The following FBP2 variants were observed in gnomAD, a reference collection of about 807,000 sequenced individuals.
FBP2 encodes fructose-1,6-bisphosphatase isozyme 2.
In FBP2, 27 loss-of-function variants were observed where a neutral mutation model predicts 31.6. The observed-to-expected ratio is 0.85, with a 90% CI of 0.63 to 1.18. FBP2 has a LOEUF of 1.18. Ranked by LOEUF, FBP2 falls within the 50% of genes most tolerant of loss-of-function variation. The pLI is 0.00. For missense variants in FBP2, 421 were observed against 436.1 expected (o/e 0.97, Z 0.31); for synonymous variants, 168 against 179.8 (o/e 0.93, Z 0.53).
In FBP2 at chr9:94,584,606, T is replaced by C. The variant is rs144384132; in HGVS notation, c.397A>G (p.Ile133Val). 6.0e-5 allele frequency: 97 copies of C among 1,613,510 alleles called. No homozygotes were observed. The African/African-American group carries it at 1.0e-3, about 17-fold the overall frequency. The change falls in exon 3 of 7, where the codon ATC (isoleucine) becomes GTC (valine). Residue 133 changes from isoleucine to valine, a missense_variant. Ile to Val is a conservative substitution (Grantham distance 29). Coordinates refer to ENST00000375337, the MANE Select transcript of FBP2 (RefSeq NM_003837.4). ...CTATAGATGGCAAAGATGGTTCCGATGGAGGCCAGGCAGTCAATATTGGAA... is the reference window on the plus strand; with the variant it reads ...CTATAGATGGCAAAGATGGTTCCGACGGAGGCCAGGCAGTCAATATTGGAA... ...GSSNIDCLAS[I>V]GTIFAIYRKT...
At chr9:94,569,857 C>CA (rs1827247636) in intron 4 of FBP2, 1 of 152,264 alleles carries the variant, frequency 6.6e-6, no homozygotes, top group South Asian at 2.1e-4. Flanking sequence ...ACAGACCTCA[C>CA]AGGCTCAGTT....
At chr9:94,582,652 A>G (rs1474359306) in intron 3 of FBP2, among the ~76,000 whole-genome samples, 1 of 148,348 alleles carries the variant, frequency 6.7e-6, no homozygotes, top group African/African-American at 2.5e-5. Flanking sequence ...GGTTCACGCC[A>G]TTCTCCTGCC....
intron 1 of FBP2, among the ~76,000 whole-genome samples, chr9:94,590,619 C>T (rs1300132785): frequency 1.3e-5 from 2 of 152,178 alleles, no homozygotes; most frequent in Non-Finnish European, 2.9e-5. Flanking sequence ...AGTGAAGCTG[C>T]AGATCTTCGC....
chr9:94,559,128 C>A lies in FBP2; in HGVS notation c.830G>T (p.Arg277Leu), dbSNP rs541509845. The change falls in exon 7 of 7, where the codon CGG becomes CTG. Residue 277 changes from arginine (R) to leucine (L), a missense_variant. Coordinates refer to ENST00000375337, the MANE Select transcript of FBP2 (RefSeq NM_003837.4). ...ANQKSPKGKL[R>L]LLYECNPVAY... ...CACGGGATTGCATTCATACAGGAGC[C>A]GGAGCTGTGGAGGAACAGAGGCAGG... 11 of 1,609,562 alleles carry A rather than the reference C, an allele frequency of 6.8e-6. No individual in the cohort carries two copies. The East Asian group carries it at 2.5e-4, about 36-fold the overall frequency.
At chr9:94,587,559 C>G (rs992398199) in intron 1 of FBP2, 90 bp from the exon 2 acceptor site, 1 of 1,127,944 alleles carries the variant, frequency 8.9e-7, no homozygotes, top group Admixed American at 2.0e-5. Context: ...GCAGTGCAGT[C>G]CCCTCTCGTT....
At chr9:94,561,355 T>C in intron 6 of FBP2, among the ~76,000 whole-genome samples, 3 of 62,548 alleles carry the variant, frequency 4.8e-5, no homozygotes, top group South Asian at 1.9e-3. Flanking sequence ...GACCTGTATT[T>C]TTTTTTTTTT....
chr9:94,589,648 C>A (rs1827468357), intron 1 of FBP2, among the ~76,000 whole-genome samples: 1 of 152,174 alleles, frequency 6.6e-6, no homozygotes, highest in African/African-American at 2.4e-5. Flanking sequence ...TAACAGGTAG[C>A]CAGGGTTGAG....
intron 4 of FBP2, chr9:94,570,498 C>A (rs2131450091): frequency 6.6e-6 from 1 of 152,060 alleles, no homozygotes; most frequent in South Asian, 2.1e-4. Context: ...AGGACAGGTA[C>A]TTTACATTCC....
intron 6 of FBP2, among the ~76,000 whole-genome samples, chr9:94,562,681 T>C (rs1304013308): frequency 6.6e-6 from 1 of 152,204 alleles, no homozygotes; most frequent in East Asian, 1.9e-4. Flanking sequence ...TTTCTGTGAT[T>C]GGCTAAAATT....
At chr9:94,561,488 G>A (rs535635109) in intron 6 of FBP2, among the ~76,000 whole-genome samples, 3 of 148,428 alleles carry the variant, frequency 2.0e-5, no homozygotes, top group Non-Finnish European at 3.0e-5. Flanking sequence ...TCAGCCTCCC[G>A]AGTAGCTGGA....
chr9:94,593,241 C>T (rs906337374), intron 1 of FBP2, among the ~76,000 whole-genome samples: 2 of 152,220 alleles, frequency 1.3e-5, no homozygotes, highest in Non-Finnish European at 2.9e-5. Context: ...TCCAGTGAGA[C>T]TCTCTCTGTG....
chr9:94,591,300 CCT>C (rs1564188722), intron 1 of FBP2, among the ~76,000 whole-genome samples: 1 of 152,132 alleles, frequency 6.6e-6, no homozygotes, highest in African/African-American at 2.4e-5. Flanking sequence ...CGGGAAGGCA[CCT>C]AAGGCCCAGC....
chr9:94,590,629 C>A (rs1427851642), intron 1 of FBP2, among the ~76,000 whole-genome samples: 1 of 152,170 alleles, frequency 6.6e-6, no homozygotes, highest in Admixed American at 6.5e-5. Context: ...CAGATCTTCG[C>A]GGTGAGTGTT....
At chr9:94,582,777 T>C (rs970792027) in intron 3 of FBP2, among the ~76,000 whole-genome samples, 2 of 151,642 alleles carry the variant, frequency 1.3e-5, no homozygotes, top group Admixed American at 6.6e-5. Flanking sequence ...CTCGATCTCC[T>C]GACCTCGTGA....
chr9:94,559,765 C>T (rs1460453839), intron 6 of FBP2, among the ~76,000 whole-genome samples: 4 of 152,320 alleles, frequency 2.6e-5, no homozygotes, highest in African/African-American at 9.6e-5. Context: ...ACTGAGGCCT[C>T]TTTAATGCCT....
At chr9:94,579,550 A>G (rs182242241) in intron 3 of FBP2, among the ~76,000 whole-genome samples, 18 of 152,356 alleles carry the variant, frequency 1.2e-4, no homozygotes, top group African/African-American at 4.3e-4. Flanking sequence ...TGGAGAATTT[A>G]TAAAAGAATT....
chr9:94,575,077 G>A (rs1221718075), intron 3 of FBP2, among the ~76,000 whole-genome samples: 1 of 152,110 alleles, frequency 6.6e-6, no homozygotes, highest in African/African-American at 2.4e-5. Context: ...ATGAAATGTG[G>A]ACTTTTTTCC....
chr9:94,559,218 T>G, intron 6 of FBP2, 86 bp from the exon 7 acceptor site: 252 of 1,216,216 alleles, frequency 2.1e-4, no homozygotes, highest in Non-Finnish European at 2.7e-4. Context: ...GAGGAGTTTG[T>G]ACTGCGGTGC....
At chr9:94,593,502 A>G in intron 1 of FBP2, 55 bp downstream of exon 1, 1 of 1,524,598 alleles carries the variant, frequency 6.6e-7, no homozygotes, top group Admixed American at 2.0e-5. Context: ...CAGCTCCCAC[A>G]CCCCTGCCTG....
Sources: gnomAD v4.1 joint callset for allele counts (sites outside exome capture counted in the v4.1 genomes callset) on GRCh38, gnomAD v4.1.1 for gene constraint, MANE v1.5 for transcripts, NCBI Gene and HGNC (gene_info 2026-07-23, HGNC 2026-07-21) for gene names.